Variants in ARSG observed in about 807,000 individuals in gnomAD.
ARSG encodes arylsulfatase G.
In ARSG, 37 loss-of-function variants were observed where a neutral mutation model predicts 50.5. That is an observed-to-expected ratio of 0.73 (90% CI 0.56 to 0.96). ARSG has a LOEUF of 0.96. Ranked by LOEUF, ARSG falls within the 50% of genes least tolerant of loss-of-function variation. The pLI is 0.00. For synonymous variants in ARSG, 225 were observed against 254.6 expected (o/e 0.88, Z 1.11); for missense variants, 629 against 675.3 (o/e 0.93, Z 0.76).
At chr17:68,438,738 T>A in the ARSG span, among the ~76,000 whole-genome samples, 1 of 152,178 alleles carries the variant, frequency 6.6e-6, no homozygotes, top group Non-Finnish European at 1.5e-5. Context: ...GTAGCTGGGA[T>A]TACAGGCGTG....
chr17:68,388,554 G>T lies in ARSG; in HGVS notation c.1091+3382G>T, dbSNP rs141662789. ...AGACCCCTACCTCTGCTCCGAATGA[G>T]GATCGATCCTTCAGAGATGAACTGG... On this transcript the variant is annotated intron_variant, in intron 9 of 11. Transcript: ENST00000621439. 1.8e-3 allele frequency among the ~76,000 whole-genome samples: 271 copies of T among 152,264 alleles called. 2 individuals are homozygous for T. Among genetic ancestry groups the T allele is most frequent in the African/African-American group, 6.2e-3 (259 of 41,540 alleles).
the ARSG span, among the ~76,000 whole-genome samples, chr17:68,438,285 C>T: frequency 2.6e-5 from 4 of 152,138 alleles, no homozygotes; most frequent in Non-Finnish European, 5.9e-5. Context: ...TCATTCCTGG[C>T]CCCAGCCTTA....
At chr17:68,326,014 G>A (rs937614073) in intron 2 of ARSG, among the ~76,000 whole-genome samples, 110 of 152,114 alleles carry the variant, frequency 7.2e-4, no homozygotes, top group Non-Finnish European at 1.1e-3. Context: ...TGCAGGACCC[G>A]AGCTGCTGTT....
At chr17:68,385,357 A>C (rs1365838002) in intron 9 of ARSG, among the ~76,000 whole-genome samples, 185 bp downstream of exon 9, 1 of 151,744 alleles carries the variant, frequency 6.6e-6, no homozygotes, top group African/African-American at 2.4e-5. Flanking sequence ...TGACTGTAGA[A>C]GTGATGAAAG....
chr17:68,374,093 C>G lies in ARSG; in HGVS notation c.982+3569C>G, dbSNP rs999470406. Among the ~76,000 whole-genome samples, 14 of 146,942 alleles carry G rather than the reference C, an allele frequency of 9.5e-5. No homozygotes were observed. The East Asian group carries it at 1.8e-3, about 19-fold the overall frequency. ...AATGGTGTGAACCAGGGAGGCGGAG[C>G]TTGCAGTGAGCTGAGATCGCACCAC... On this transcript the variant is annotated intron_variant, in intron 8 of 11. Coordinates refer to ENST00000621439, the MANE Select transcript of ARSG (RefSeq NM_001267727.2).
chr17:68,446,184 C>A, the ARSG span, among the ~76,000 whole-genome samples: 1 of 151,916 alleles, frequency 6.6e-6, no homozygotes, highest in African/African-American at 2.4e-5. Context: ...ACACATTTCT[C>A]AATTTTTTTT....
the ARSG span, among the ~76,000 whole-genome samples, chr17:68,429,187 C>T: frequency 0.068 from 10,279 of 152,136 alleles, 495 homozygotes; most frequent in East Asian, 0.17. Flanking sequence ...TGCGACCCTG[C>T]GAGAAGCAAT....
intron 11 of ARSG, among the ~76,000 whole-genome samples, chr17:68,402,005 C>G (rs1203125342): frequency 2.0e-5 from 3 of 152,214 alleles, no homozygotes; most frequent in Non-Finnish European, 2.9e-5. Context: ...CCGAGTCCTA[C>G]TGTCTTTCCA....
At chr17:68,363,467 C>CT (rs11393257) in intron 6 of ARSG, among the ~76,000 whole-genome samples, 67,205 of 151,592 alleles carry the variant, frequency 0.44, 15,328 homozygotes, top group Admixed American at 0.52. Flanking sequence ...TCTTTTGTTT[C>CT]TTTCTTCTTT....
Position 68,307,488 on chromosome 17 carries a change from A to G in ARSG, c.-6A>G. 1 of 1,610,502 alleles carries G rather than the reference A, an allele frequency of 6.2e-7. No homozygotes were observed. The highest frequency in any genetic ancestry group is 8.5e-7 in the Non-Finnish European group (1 of 1,177,232). On this transcript the variant is annotated 5_prime_UTR_variant, in exon 2 of 12. Transcript: ENST00000621439. ...TCCAGACAATCGGAATCCTGCCTTCACCACCATGGGCTGGCTTTTTCTAAA... is the reference window on the plus strand; with the variant it reads ...TCCAGACAATCGGAATCCTGCCTTCGCCACCATGGGCTGGCTTTTTCTAAA...
intron 5 of ARSG, among the ~76,000 whole-genome samples, chr17:68,355,792 A>AT (rs1386892673): frequency 2.1e-5 from 3 of 146,062 alleles, no homozygotes; most frequent in Non-Finnish European, 3.0e-5. Context: ...TTTGACTCTT[A>AT]TTTTTTTTCC....
the ARSG span, among the ~76,000 whole-genome samples, chr17:68,450,295 C>A: frequency 6.6e-6 from 1 of 152,228 alleles, no homozygotes; most frequent in African/African-American, 2.4e-5. Context: ...AGGGAGCCCC[C>A]ACTTCACTCT....
In ARSG at chr17:68,351,592, G is replaced by C; in HGVS notation, c.472G>C (p.Gly158Arg). 1 of 1,611,986 alleles carries C rather than the reference G, an allele frequency of 6.2e-7. No individual in the cohort carries two copies. Among genetic ancestry groups the C allele is most frequent in the Non-Finnish European group, 8.5e-7 (1 of 1,178,112 alleles). Residue 158 changes from glycine to arginine, a missense_variant, in exon 5 of 12, where the codon GGA (glycine) becomes CGA (arginine). Physicochemically the swap from Gly to Arg is moderately radical, Grantham distance 125 (BLOSUM62 -2). Coordinates refer to ENST00000621439, the MANE Select transcript of ARSG (RefSeq NM_001267727.2). ...TATTCCAGGTTTTGATTACTACTTT[G>C]GAATCCCATATAGCCATGATATGGG... ...PNFRGFDYYF[G>R]IPYSHDMGCT...
intron 6 of ARSG, among the ~76,000 whole-genome samples, 160 bp downstream of exon 6, chr17:68,356,964 CA>C (rs2079061441): frequency 6.6e-6 from 1 of 152,238 alleles, no homozygotes; most frequent in Non-Finnish European, 1.5e-5. Flanking sequence ...AGCTGGAAAA[CA>C]GCCCCTTCTG....
At chr17:68,295,920 T>G (rs1391036831) in intron 1 of ARSG, among the ~76,000 whole-genome samples, 1 of 151,998 alleles carries the variant, frequency 6.6e-6, no homozygotes, top group African/African-American at 2.4e-5. Context: ...CCTCAGGTGA[T>G]CCACCCACCT....
At chr17:68,354,745 G>A (rs910667812) in intron 5 of ARSG, among the ~76,000 whole-genome samples, 3 of 152,076 alleles carry the variant, frequency 2.0e-5, no homozygotes, top group Non-Finnish European at 4.4e-5. Flanking sequence ...TTAGCCAGGT[G>A]TGGTGGCACA....
chr17:68,389,456 C>T (rs1423318765), intron 9 of ARSG, among the ~76,000 whole-genome samples: 1 of 151,712 alleles, frequency 6.6e-6, no homozygotes, highest in Non-Finnish European at 1.5e-5. Flanking sequence ...ACGGCTGAGA[C>T]CAGGAAGGCG....
At chr17:68,282,393 C>T (rs1455076460) in intron 1 of ARSG, among the ~76,000 whole-genome samples, 1 of 151,914 alleles carries the variant, frequency 6.6e-6, no homozygotes, top group African/African-American at 2.4e-5. Context: ...AGGAGATATA[C>T]CTAATGTTAA....
chr17:68,356,073 G>C (rs1311080690), intron 5 of ARSG, among the ~76,000 whole-genome samples: 6 of 151,994 alleles, frequency 3.9e-5, no homozygotes, highest in South Asian at 2.1e-4. Flanking sequence ...GTAGAGACAG[G>C]GTTTCACCCT....
Sources: gnomAD v4.1 joint callset for allele counts (sites outside exome capture counted in the v4.1 genomes callset) on GRCh38, gnomAD v4.1.1 for gene constraint, MANE v1.5 for transcripts, NCBI Gene and HGNC (gene_info 2026-07-23, HGNC 2026-07-21) for gene names.